The following PTPRB variants were observed in gnomAD, a reference collection of about 807,000 sequenced individuals.
PTPRB encodes protein tyrosine phosphatase receptor type B, also known as receptor-type tyrosine-protein phosphatase beta.
PTPRB carries 97 observed loss-of-function variants against 238.1 expected under a neutral mutation model. The observed-to-expected ratio is 0.41, with a 90% CI of 0.35 to 0.48. The LOEUF (loss-of-function observed/expected upper bound fraction) is 0.48. Among genes scored for constraint, PTPRB ranks in the 20% least tolerant of loss-of-function variants. The pLI is 0.30. For missense variants in PTPRB, 2,292 were observed against 2,681.9 expected (o/e 0.85, Z 3.21); for synonymous variants, 970 against 995.4 (o/e 0.97, Z 0.48).
chr12:70,558,111 A>G (rs531988720), intron 18 of PTPRB, among the ~76,000 whole-genome samples: 1 of 152,240 alleles, frequency 6.6e-6, no homozygotes, highest in African/African-American at 2.4e-5. Flanking sequence ...CAGTGTTTGC[A>G]TTGTGTTTCC....
intron 3 of PTPRB, among the ~76,000 whole-genome samples, chr12:70,621,241 G>A (rs1314059401): frequency 6.6e-6 from 1 of 152,146 alleles, no homozygotes; most frequent in African/African-American, 2.4e-5. Flanking sequence ...TGAAAAGCTT[G>A]GTGGAGAGTG....
At chr12:70,593,467 C>T (rs545135662) in intron 6 of PTPRB, among the ~76,000 whole-genome samples, 26 of 140,760 alleles carry the variant, frequency 1.8e-4, no homozygotes, top group Non-Finnish European at 3.5e-4. Flanking sequence ...GAGCTGAGAT[C>T]GCACCATTGC....
intron 4 of PTPRB, among the ~76,000 whole-genome samples, chr12:70,605,750 G>C (rs1419537948): frequency 6.6e-6 from 1 of 152,056 alleles, no homozygotes; most frequent in East Asian, 1.9e-4. Flanking sequence ...TTTTAATGCT[G>C]GTGAAATGAT....
intron 3 of PTPRB, among the ~76,000 whole-genome samples, chr12:70,618,860 C>T (rs1884792567): frequency 2.0e-5 from 3 of 152,142 alleles, no homozygotes; most frequent in African/African-American, 2.4e-5. Context: ...AATTCATTTA[C>T]TGCTCAGGGT....
At chr12:70,586,060 G>A (rs921003725) in intron 9 of PTPRB, among the ~76,000 whole-genome samples, 3 of 152,090 alleles carry the variant, frequency 2.0e-5, no homozygotes, top group South Asian at 4.2e-4. Flanking sequence ...ATGGACATTC[G>A]GGTTGGTTCC....
At chr12:70,556,555 T>C (rs1877710925) in intron 18 of PTPRB, among the ~76,000 whole-genome samples, 1 of 151,910 alleles carries the variant, frequency 6.6e-6, no homozygotes, top group African/African-American at 2.4e-5. Flanking sequence ...CTACACAAAA[T>C]GGGAATACCA....
In PTPRB at chr12:70,590,053, G is replaced by T; in HGVS notation, c.1961C>A (p.Thr654Lys). 2 of 1,613,838 alleles carry T rather than the reference G, an allele frequency of 1.2e-6. No homozygotes were observed. Among genetic ancestry groups the T allele is most frequent in the Non-Finnish European group, 1.7e-6 (2 of 1,179,816 alleles). The change falls in exon 8 of 34, where the codon ACG becomes AAG. Residue 654 changes from threonine to lysine, a missense_variant. By Grantham distance (78) the Thr-to-Lys change is moderately conservative. Coordinates refer to ENST00000334414, the MANE Select transcript of PTPRB (RefSeq NM_001109754.4). ...ATACTGTCTTCCCGGTACGAGCCCC[G>T]TGTCATCCATGACATACTGTGTTTC... ...KEETQYVMDD[T>K]GLVPGRQYEV...
chr12:70,521,123 C>T lies in PTPRB; in HGVS notation c.*366G>A, dbSNP rs1179365774. 1.7e-5 allele frequency: 3 copies of T among 178,456 alleles called. No homozygotes were observed. The highest frequency in any genetic ancestry group is 4.7e-5 in the African/African-American group (2 of 42,398). The allele number at this position is 178,456 out of a possible 1,614,324, so 11.1% of individuals were successfully genotyped here. ...AGTGAATATCAAAACAGGTAGAAAA[C>T]ATGGCCTGAAGGATTGTCTCTGCCA... On this transcript the variant is annotated 3_prime_UTR_variant, in exon 34 of 34. Transcript: ENST00000334414.
intron 4 of PTPRB, among the ~76,000 whole-genome samples, chr12:70,602,075 G>A (rs535887825): frequency 4.6e-5 from 7 of 152,196 alleles, no homozygotes; most frequent in Non-Finnish European, 1.0e-4. Context: ...GATTACAGGC[G>A]TGAGCCACCG....
chr12:70,590,177 C>T lies in PTPRB; in HGVS notation c.1837G>A (p.Val613Ile). The change falls in exon 8 of 34, where the codon GTA becomes ATA. Residue 613 changes from valine (V) to isoleucine (I), a missense_variant. Val to Ile is a conservative substitution (Grantham distance 29). Transcript: ENST00000334414. ...ANNNGRMRSL[V>I]VSWSPPAGDW... is the part of the protein sequence containing the mutation. ...CCAGCAGGGGGCGACCAGCTCACTACAAGAGACCTCATCCTGCCATTATTG... is the reference window on the plus strand; with the variant it reads ...CCAGCAGGGGGCGACCAGCTCACTATAAGAGACCTCATCCTGCCATTATTG... 6.2e-7 allele frequency: 1 copy of T among 1,605,258 alleles called. No individual in the cohort carries two copies. The highest frequency in any genetic ancestry group is 8.5e-7 in the Non-Finnish European group (1 of 1,175,084).
chr12:70,524,044 C>T (rs900156506), intron 33 of PTPRB, among the ~76,000 whole-genome samples: 11 of 151,990 alleles, frequency 7.2e-5, no homozygotes, highest in Admixed American at 1.3e-4. Flanking sequence ...GTGATCTGCC[C>T]GCCTTGGCCT....
chr12:70,592,260 C>T, intron 7 of PTPRB, 22 bp downstream of exon 7: 1 of 1,613,930 alleles, frequency 6.2e-7, no homozygotes, highest in Non-Finnish European at 8.5e-7. Context: ...AACCAAGGAA[C>T]ATTCTGGAGC....
In PTPRB at chr12:70,630,572, A is replaced by C. The variant is rs1422709614; in HGVS notation, c.451+5099T>G. On this transcript the variant is annotated intron_variant, in intron 2 of 33. Transcript: ENST00000334414. ...TAGTGTTGGGAGTTCTGGCCAGGGC[A>C]ATCAGGCAAGAGAAAGAAATAAAGG... Among the ~76,000 whole-genome samples, 2 of 152,214 alleles carry C rather than the reference A, an allele frequency of 1.3e-5. 1 individual carries two copies. Among genetic ancestry groups the C allele is most frequent in the East Asian group, 3.9e-4 (2 of 5,194 alleles).
intron 7 of PTPRB, chr12:70,591,727 CTTAT>C (rs1169507561): frequency 6.5e-6 from 1 of 152,744 alleles, no homozygotes. Flanking sequence ...TGTTTGTTTC[CTTAT>C]TTGTTTGTAC....
At chr12:70,609,514 C>G (rs1884254484) in intron 3 of PTPRB, among the ~76,000 whole-genome samples, 175 bp from the exon 4 acceptor site, 1 of 152,212 alleles carries the variant, frequency 6.6e-6, no homozygotes, top group South Asian at 2.1e-4. Context: ...TGGATGGCAA[C>G]TTTCTCCCTA....
chr12:70,628,580 C>T (rs1256212746), intron 2 of PTPRB, among the ~76,000 whole-genome samples: 1 of 152,064 alleles, frequency 6.6e-6, no homozygotes, highest in African/African-American at 2.4e-5. Flanking sequence ...CCAGTAATTT[C>T]CTTTGAGTAA....
Position 70,595,184 on chromosome 12 carries a change from AAACT to A in PTPRB, c.1259-464_1259-461del, listed in dbSNP as rs1040514741. Among the ~76,000 whole-genome samples the A allele has an allele frequency of 1.2e-3, 176 of 152,326 alleles. 1 individual carries two copies. The highest frequency in any genetic ancestry group is 4.1e-3 in the African/African-American group (170 of 41,564). ...GAAGCTGGAAACCATCATTTTCAGC[AAACT>A]AACACAGGAACAGAAAACCAAACAC... is the stretch of plus-strand genomic sequence containing the variant. On this transcript the variant is annotated intron_variant, in intron 5 of 33. Coordinates refer to ENST00000334414, the MANE Select transcript of PTPRB (RefSeq NM_001109754.4).
Position 70,596,152 on chromosome 12 carries a change from T to C in PTPRB, c.1155A>G (p.Glu385=). 1 of 1,613,720 alleles carries C rather than the reference T, an allele frequency of 6.2e-7. No individual in the cohort carries two copies. Among genetic ancestry groups the C allele is most frequent in the Non-Finnish European group, 8.5e-7 (1 of 1,179,676 alleles). The change falls in exon 5 of 34, where the codon GAA becomes GAG. Residue 385 remains glutamate, a synonymous_variant. Transcript: ENST00000334414. ...VQIQESTSWN[E]YTFFNLTAGS... Reference sequence around the variant, plus strand: ...CAGCAGTGAGATTGAAAAAAGTGTATTCATTCCATGAAGTACTTTCTTGAA... The same window carrying C: ...CAGCAGTGAGATTGAAAAAAGTGTACTCATTCCATGAAGTACTTTCTTGAA...
chr12:70,601,339 T>C (rs1197657306), intron 4 of PTPRB, among the ~76,000 whole-genome samples: 3 of 151,218 alleles, frequency 2.0e-5, no homozygotes, highest in Non-Finnish European at 4.4e-5. Flanking sequence ...GATTGCCAAA[T>C]AATCTCTTTG....
Sources: gnomAD v4.1 joint callset for allele counts (sites outside exome capture counted in the v4.1 genomes callset) on GRCh38, gnomAD v4.1.1 for gene constraint, MANE v1.5 for transcripts, NCBI Gene and HGNC (gene_info 2026-07-23, HGNC 2026-07-21) for gene names.